CCDC93: variants seen among roughly 807,000 people sequenced by gnomAD.
CCDC93 encodes the protein coiled-coil domain-containing protein 93.
A neutral mutation model predicts 108.2 loss-of-function variants in CCDC93; 61 were observed. The observed-to-expected ratio is 0.56, with a 90% confidence interval of 0.46 to 0.70. The LOEUF is 0.70. Among genes scored for constraint, CCDC93 ranks in the 30% least tolerant of loss-of-function variants. CCDC93 has a pLI of 0.00. For missense variants in CCDC93, 685 were observed against 764.2 expected, an observed-to-expected ratio of 0.90 and a Z score of 1.22; for synonymous variants, 276 against 260.4, an observed-to-expected ratio of 1.06 and a Z score of -0.58.
At chr2:117,972,210 G>A (rs1298383277) in intron 11 of CCDC93, among the ~76,000 whole-genome samples, 1 of 152,152 alleles carries the variant, frequency 6.6e-6, no homozygotes, top group Non-Finnish European at 1.5e-5. Context: ...AGAATCAACA[G>A]CATATATGTC....
chr2:117,941,073 C>G (rs777388852), intron 19 of CCDC93, 116 bp downstream of exon 19: 4 of 713,656 alleles, frequency 5.6e-6, no homozygotes, highest in African/African-American at 1.8e-5. Context: ...CGGAGCTTTC[C>G]GGTGGTGGCC....
chr2:117,931,212 A>G (rs982997183), intron 22 of CCDC93, 62 bp from the exon 23 acceptor site: 7 of 1,131,620 alleles, frequency 6.2e-6, no homozygotes, highest in South Asian at 1.3e-5. Flanking sequence ...GCTACTGGCA[A>G]CATCCAAAAG....
rs1356109338 is a variant in CCDC93 at position 117,918,175 on chromosome 2, CTAAT to C, written c.*2164_*2167del. The C allele has an allele frequency of 3.9e-5, 6 of 152,134 alleles. No homozygotes were observed. The highest frequency in any genetic ancestry group is 7.4e-5 in the Non-Finnish European group (5 of 68,026). The allele number at this position is 152,134 out of a possible 1,614,324, so 9.4% of individuals were successfully genotyped here. On this transcript the variant is annotated 3_prime_UTR_variant, in exon 24 of 24. Coordinates refer to ENST00000376300, the MANE Select transcript of CCDC93 (RefSeq NM_019044.5). ...CTTCACCAAAAAGTCATGTAACATCCTAATTACTCAGAAAGGCACTGTCCACACT... is the reference window on the plus strand; with the variant it reads ...CTTCACCAAAAAGTCATGTAACATCCTACTCAGAAAGGCACTGTCCACACT...
At chr2:117,991,476 G>C (rs2104808145) in intron 6 of CCDC93, among the ~76,000 whole-genome samples, 1 of 152,354 alleles carries the variant, frequency 6.6e-6, no homozygotes, top group East Asian at 1.9e-4. Context: ...GACACCTGCT[G>C]TGTTAGAGTC....
At chr2:117,959,413 A>T (rs1170242315) in intron 11 of CCDC93, among the ~76,000 whole-genome samples, 1 of 152,226 alleles carries the variant, frequency 6.6e-6, no homozygotes, top group African/African-American at 2.4e-5. Flanking sequence ...CTAATCATTG[A>T]TTCTAAACTC....
At chr2:117,926,688 G>A (rs1341129994) in intron 23 of CCDC93, among the ~76,000 whole-genome samples, 2 of 152,174 alleles carry the variant, frequency 1.3e-5, no homozygotes, top group African/African-American at 4.8e-5. Flanking sequence ...TCTACCAGAG[G>A]TACAAGGAGG....
chr2:117,982,478 G>A (rs542005369), intron 7 of CCDC93, among the ~76,000 whole-genome samples: 34 of 152,152 alleles, frequency 2.2e-4, no homozygotes, highest in African/African-American at 8.2e-4. Context: ...AGTCCTTAAG[G>A]CCTTCAGCAT....
intron 1 of CCDC93, among the ~76,000 whole-genome samples, chr2:118,009,446 C>T (rs929646363): frequency 2.0e-5 from 3 of 148,184 alleles, no homozygotes; most frequent in Non-Finnish European, 4.5e-5. Context: ...GTGGGGGTGC[C>T]GATCACTTGA....
intron 2 of CCDC93, 79 bp downstream of exon 2, chr2:118,008,466 T>TTTTCC: frequency 2.4e-6 from 2 of 818,914 alleles, no homozygotes; most frequent in South Asian, 3.2e-5. Flanking sequence ...AAACATCATC[T>TTTTCC]TTTCCTCCTT....
intron 7 of CCDC93, chr2:117,985,348 G>T: frequency 2.4e-6 from 1 of 416,820 alleles, no homozygotes; most frequent in Non-Finnish European, 3.2e-6. Context: ...GCACACAGGA[G>T]CCTCTCCCAA....
chr2:117,955,989 A>G (rs1207349561), intron 12 of CCDC93, among the ~76,000 whole-genome samples: 1 of 152,206 alleles, frequency 6.6e-6, no homozygotes, highest in African/African-American at 2.4e-5. Context: ...TATCCCTACA[A>G]TTTAAAAAAA....
chr2:117,944,848 A>G, intron 17 of CCDC93: 1 of 469,572 alleles, frequency 2.1e-6, no homozygotes, highest in South Asian at 1.6e-5. Flanking sequence ...AAGAAGGCAG[A>G]TGCTTACAGT....
intron 7 of CCDC93, among the ~76,000 whole-genome samples, chr2:117,983,630 T>TTATATATA (rs66879401): frequency 4.1e-5 from 4 of 98,600 alleles, no homozygotes; most frequent in African/African-American, 1.3e-4. Flanking sequence ...CTGCTCAAAA[T>TTATATATA]TATATATATA....
At chr2:117,950,639 G>A (rs374936494) in intron 13 of CCDC93, 33 of 985,290 alleles carry the variant, frequency 3.3e-5, no homozygotes, top group African/African-American at 1.0e-4. Flanking sequence ...GGTTCAGAGC[G>A]CTCATTCTGC....
chr2:117,935,613 C>A, intron 21 of CCDC93, 34 bp from the exon 22 acceptor site: 2 of 1,479,912 alleles, frequency 1.4e-6, no homozygotes, highest in South Asian at 2.3e-5. Flanking sequence ...ATGACCGGCA[C>A]ACAGGACTCT....
At chr2:118,010,995 C>T (rs1559501) in intron 1 of CCDC93, among the ~76,000 whole-genome samples, 147,660 of 152,312 alleles carry the variant, frequency 0.97, 71,760 homozygotes, top group Middle Eastern at 1. Context: ...TAGTGTTATA[C>T]ACATGCTTGT....
rs773023570 is a variant in CCDC93, at chr2:117,986,038, C to T, written c.551G>A (p.Arg184His). ...EVYKPRRKYK[R>H]HQGAEELLDE... Reference sequence around the variant, plus strand: ...AAGTAGCTCCTCTGCTCCCTGGTGGCGTTTGTATTTCCGACGGGGCTTGTA... The same window carrying T: ...AAGTAGCTCCTCTGCTCCCTGGTGGTGTTTGTATTTCCGACGGGGCTTGTA... Residue 184 changes from arginine (R) to histidine (H), a missense_variant, in exon 7 of 24, where the codon CGC (arginine) becomes CAC (histidine). Physicochemically the swap from Arg to His is conservative, Grantham distance 29. Coordinates refer to ENST00000376300, the MANE Select transcript of CCDC93 (RefSeq NM_019044.5). 36 of 1,612,886 alleles carry T rather than the reference C, an allele frequency of 2.2e-5. No homozygotes were observed. The highest frequency in any genetic ancestry group is 1.6e-4 in the South Asian group (15 of 91,046).
rs1406230558 is a variant in CCDC93, at chr2:118,006,754, G to A, written c.219C>T (p.Leu73=). The A allele has an allele frequency of 1.2e-6, 2 of 1,612,276 alleles. No individual in the cohort carries two copies. The highest frequency in any genetic ancestry group is 1.7e-5 in the Admixed American group (1 of 59,988). ...TCNFDVDVDL[L]FQENSTIGQK... is the part of the protein sequence containing the mutation. ...GACCTATCGTAGAGTTTTCTTGAAA[G>A]AGCAAATCAACATCTACATCAAAGT... Residue 73 remains leucine, a synonymous_variant, in exon 3 of 24, where the codon CTC becomes CTT. Coordinates refer to ENST00000376300, the MANE Select transcript of CCDC93 (RefSeq NM_019044.5).
chr2:117,920,938 C>T (rs1037435291), intron 23 of CCDC93, among the ~76,000 whole-genome samples: 2 of 152,168 alleles, frequency 1.3e-5, no homozygotes, highest in African/African-American at 4.8e-5. Flanking sequence ...AATCCCAGCA[C>T]TTTGGGAGGC....
Sources: allele counts gnomAD v4.1 joint callset (sites outside exome capture counted in the v4.1 genomes callset), GRCh38; gene constraint gnomAD v4.1.1; transcripts MANE v1.5; gene names NCBI Gene and HGNC (gene_info 2026-07-23, HGNC 2026-07-21).